Variants in PDXDC1 observed in about 807,000 individuals in gnomAD.
PDXDC1 encodes pyridoxal dependent decarboxylase domain containing 1, also known as pyridoxal-dependent decarboxylase domain-containing protein 1.
PDXDC1 carries 42 observed loss-of-function variants against 100.1 expected under a neutral mutation model. The observed-to-expected ratio is 0.42, with a 90% CI of 0.33 to 0.54. The LOEUF (loss-of-function observed/expected upper bound fraction) is 0.54. Among genes scored for constraint, PDXDC1 ranks in the 20% least tolerant of loss-of-function variants. The pLI, the probability that PDXDC1 is intolerant of heterozygous loss-of-function variation, is 0.10. For missense variants in PDXDC1, 636 were observed against 979.2 expected (o/e 0.65, Z 4.68); for synonymous variants, 260 against 371.7 (o/e 0.70, Z 3.46).
intron 1 of PDXDC1, among the ~76,000 whole-genome samples, chr16:14,983,084 T>C (rs1390762773): frequency 1.2e-4 from 18 of 152,268 alleles, no homozygotes; most frequent in African/African-American, 4.3e-4. Flanking sequence ...GAGCAGCTGG[T>C]TTCTCTTTAG....
rs1230741962 is a variant in PDXDC1, at chr16:15,004,804, A to T, written c.389+471A>T. Among the ~76,000 whole-genome samples, 6 of 152,382 alleles carry T rather than the reference A, an allele frequency of 3.9e-5. No homozygotes were observed. The South Asian group carries it at 1.0e-3, about 26-fold the overall frequency. On this transcript the variant is annotated intron_variant, in intron 5 of 22. Coordinates refer to ENST00000396410, the MANE Select transcript of PDXDC1 (RefSeq NM_015027.4). ...CACAGTATTTTCATGTAACTGAGGC[A>T]CATCTTCCCATATACTTTAATCTCT...
chr16:14,992,507 C>A (rs1971073614), intron 1 of PDXDC1, among the ~76,000 whole-genome samples: 1 of 152,286 alleles, frequency 6.6e-6, no homozygotes, highest in African/African-American at 2.4e-5. Flanking sequence ...ATTCTCTTGA[C>A]CATCATATTC....
intron 1 of PDXDC1, among the ~76,000 whole-genome samples, chr16:14,994,336 C>A (rs1165847737): frequency 1.3e-5 from 2 of 152,298 alleles, no homozygotes; most frequent in East Asian, 3.8e-4. Context: ...AGGAAGGGAT[C>A]CAGTTTCAGC....
intron 16 of PDXDC1, chr16:15,136,841 G>A: frequency 1.8e-6 from 2 of 1,091,106 alleles, no homozygotes; most frequent in African/African-American, 1.5e-5. Context: ...GCCCTGGGGA[G>A]GAAGGGGAGT....
At chr16:14,984,315 CTTTTTTTTTT>C (rs1167894912) in intron 1 of PDXDC1, among the ~76,000 whole-genome samples, 2 of 106,840 alleles carry the variant, frequency 1.9e-5, no homozygotes, top group African/African-American at 3.4e-5. Context: ...GCACCCCCGC[CTTTTTTTTTT>C]TTTTTTTTTT....
intron 16 of PDXDC1, among the ~76,000 whole-genome samples, chr16:15,052,373 G>A (rs2044327531): frequency 6.6e-6 from 1 of 152,094 alleles, no homozygotes; most frequent in South Asian, 2.1e-4. Context: ...AGCAGGGTCC[G>A]GCCCATGAGC....
intron 2 of PDXDC1, 36 bp downstream of exon 2, chr16:14,997,862 C>T: frequency 6.4e-7 from 1 of 1,571,666 alleles, no homozygotes. Flanking sequence ...TCAACGAGTT[C>T]AGCCTGCTGT....
intron 16 of PDXDC1, chr16:15,068,096 C>G: frequency 6.7e-7 from 1 of 1,501,946 alleles, no homozygotes; most frequent in Non-Finnish European, 9.0e-7. Flanking sequence ...AAATTTAACA[C>G]TCTTACAATA....
chr16:15,000,376 C>T (rs1347600599), intron 3 of PDXDC1, among the ~76,000 whole-genome samples: 3 of 152,276 alleles, frequency 2.0e-5, no homozygotes, highest in Non-Finnish European at 4.4e-5. Context: ...ATAGCTTGCT[C>T]GAGGTCATGT....
downstream of PDXDC1, among the ~76,000 whole-genome samples, chr16:15,040,646 T>A (rs755866017): frequency 6.6e-6 from 1 of 151,994 alleles, no homozygotes; most frequent in Non-Finnish European, 1.5e-5. Context: ...CTTTGGAGGA[T>A]TTCTGTTCTC....
chr16:15,034,734 C>T (rs1013468545), intron 21 of PDXDC1, among the ~76,000 whole-genome samples, 181 bp downstream of exon 21: 2 of 152,182 alleles, frequency 1.3e-5, no homozygotes, highest in African/African-American at 2.4e-5. Context: ...CCACCGCACC[C>T]TGGCGGCTGA....
chr16:15,017,259 G>T lies in PDXDC1; in HGVS notation c.862-62G>T, dbSNP rs546605283. 5.7e-5 allele frequency: 92 copies of T among 1,602,448 alleles called. No homozygotes were observed. In the South Asian group the frequency reaches 8.9e-4, roughly 15 times the overall value. On this transcript the variant is annotated intron_variant, in intron 10 of 22. Transcript: ENST00000396410. ...TGGCTCTTCACAGTTTTTATGAATG[G>T]AGGAGGGTGTTAGGTTTGTGTATTC...
intron 16 of PDXDC1, chr16:15,084,808 G>C (rs1051146421): frequency 1.2e-6 from 1 of 816,334 alleles, no homozygotes; most frequent in South Asian, 1.4e-5. Flanking sequence ...GCTCACGCCT[G>C]TAATCCCAGC....
At chr16:15,056,968 G>A (rs918609438) in intron 16 of PDXDC1, among the ~76,000 whole-genome samples, 1 of 152,090 alleles carries the variant, frequency 6.6e-6, no homozygotes, top group African/African-American at 2.4e-5. Context: ...TCTGAGGACA[G>A]GTCCCCAAGG....
At chr16:15,061,764 T>G (rs748244560) in intron 16 of PDXDC1, 1 of 1,613,350 alleles carries the variant, frequency 6.2e-7, no homozygotes, top group Admixed American at 1.7e-5. Flanking sequence ...CTGGGTTGCA[T>G]GTACAACACG....
downstream of PDXDC1, among the ~76,000 whole-genome samples, chr16:15,143,865 C>T (rs951117859): frequency 3.3e-5 from 5 of 152,194 alleles, no homozygotes; most frequent in Admixed American, 6.5e-5. Context: ...GGGGGCCGGA[C>T]GGAGCCCCCA....
intron 16 of PDXDC1, chr16:15,136,212 A>G (rs955238901): frequency 1.6e-4 from 104 of 659,910 alleles, no homozygotes; most frequent in African/African-American, 3.1e-4. Flanking sequence ...TGGGAGCCCC[A>G]TCACTGTCCC....
chr16:15,026,989 C>A (rs1242806951), intron 14 of PDXDC1, among the ~76,000 whole-genome samples: 2 of 152,144 alleles, frequency 1.3e-5, no homozygotes, highest in Non-Finnish European at 2.9e-5. Context: ...GTGGGTCTTA[C>A]TTCCCACATA....
chr16:15,062,372 T>C (rs571731967), intron 16 of PDXDC1, among the ~76,000 whole-genome samples: 2 of 152,028 alleles, frequency 1.3e-5, no homozygotes, highest in Admixed American at 6.5e-5. Context: ...CCTCAACAAA[T>C]GAAACATAAA....
Sources: gnomAD v4.1 joint callset for allele counts (sites outside exome capture counted in the v4.1 genomes callset) on GRCh38, gnomAD v4.1.1 for gene constraint, MANE v1.5 for transcripts, NCBI Gene and HGNC (gene_info 2026-07-23, HGNC 2026-07-21) for gene names.